The following YEATS4 variants were observed in gnomAD, a reference collection of about 807,000 sequenced individuals.
YEATS4 encodes the protein YEATS domain-containing protein 4.
A neutral mutation model predicts 30.1 loss-of-function variants in YEATS4; 17 were observed. That is an observed-to-expected ratio of 0.56 (90% CI 0.39 to 0.85). The LOEUF (loss-of-function observed/expected upper bound fraction) is 0.85. YEATS4 is among the 40% of genes least tolerant of loss of function. The probability of loss-of-function intolerance (pLI) is 0.00; values close to 1 mark genes in which losing one functional copy is unlikely to be tolerated. For synonymous variants in YEATS4, 85 were observed against 87.5 expected (o/e 0.97, Z 0.16); for missense variants, 142 against 268.3 (o/e 0.53, Z 3.29).
intron 2 of YEATS4, among the ~76,000 whole-genome samples, chr12:69,364,520 T>G (rs1875354386): frequency 6.6e-6 from 1 of 152,198 alleles, no homozygotes; most frequent in South Asian, 2.1e-4. Flanking sequence ...CCATAACTAA[T>G]GAATATGCTT....
chr12:69,393,093 T>C (rs544055488), downstream of YEATS4, among the ~76,000 whole-genome samples: 10 of 152,302 alleles, frequency 6.6e-5, no homozygotes, highest in South Asian at 6.2e-4. Flanking sequence ...ACCCCTAATG[T>C]CTTCAGTTTT....
intron 5 of YEATS4, 34 bp downstream of exon 5, chr12:69,370,832 A>G: frequency 6.3e-7 from 1 of 1,597,334 alleles, no homozygotes; most frequent in Non-Finnish European, 8.5e-7. Context: ...TTTTAAAAGC[A>G]TTTGAAGTTG....
the YEATS4 span, among the ~76,000 whole-genome samples, chr12:69,426,838 C>T: frequency 6.6e-6 from 1 of 152,128 alleles, no homozygotes. Context: ...TCAAGGGTAG[C>T]AGATTAACTC....
intron 4 of YEATS4, among the ~76,000 whole-genome samples, chr12:69,369,049 A>G (rs1483818608): frequency 1.3e-5 from 2 of 152,196 alleles, no homozygotes; most frequent in Non-Finnish European, 2.9e-5. Flanking sequence ...GCAACATAGT[A>G]AAACCCCATC....
At chr12:69,391,850 A>G (rs1868318607), downstream of YEATS4, among the ~76,000 whole-genome samples, 1 of 152,194 alleles carries the variant, frequency 6.6e-6, no homozygotes, top group Non-Finnish European at 1.5e-5. Flanking sequence ...TCATTATTCT[A>G]GTCAGCTGCC....
chr12:69,369,016 T>C (rs1257682778), intron 4 of YEATS4, among the ~76,000 whole-genome samples: 1 of 152,192 alleles, frequency 6.6e-6, no homozygotes, highest in Non-Finnish European at 1.5e-5. Context: ...TCATTTGAGA[T>C]CAGGAATTCA....
chr12:69,389,419 C>T (rs1251973105), intron 6 of YEATS4, among the ~76,000 whole-genome samples: 1 of 147,976 alleles, frequency 6.8e-6, no homozygotes, highest in East Asian at 2.0e-4. Context: ...CACTGCTCTC[C>T]AGCCTGGGCG....
intron 1 of YEATS4, among the ~76,000 whole-genome samples, chr12:69,361,095 G>A (rs1875183318): frequency 6.6e-6 from 1 of 151,906 alleles, no homozygotes; most frequent in Admixed American, 6.6e-5. Context: ...CTACTAGAGG[G>A]GCTGAGGCAG....
chr12:69,364,499 C>T (rs946169971), intron 2 of YEATS4, among the ~76,000 whole-genome samples: 2 of 151,920 alleles, frequency 1.3e-5, no homozygotes, highest in African/African-American at 4.8e-5. Flanking sequence ...CAACAGAAAC[C>T]CTTTTATTTG....
chr12:69,406,840 G>A, the YEATS4 span, among the ~76,000 whole-genome samples: 3 of 151,396 alleles, frequency 2.0e-5, no homozygotes, highest in Non-Finnish European at 4.4e-5. Context: ...TTTGAGACAG[G>A]GTCTTGCTCT....
intron 2 of YEATS4, chr12:69,364,040 G>T: frequency 4.2e-6 from 1 of 240,180 alleles, no homozygotes; most frequent in Admixed American, 5.0e-5. Flanking sequence ...ATAGATAAGT[G>T]GTTGCTAGTG....
intron 6 of YEATS4, among the ~76,000 whole-genome samples, chr12:69,375,179 T>A (rs1296096296): frequency 7.3e-6 from 1 of 137,020 alleles, no homozygotes; most frequent in Non-Finnish European, 1.5e-5. Context: ...GCTCCTCACT[T>A]CTCAGACGGG....
chr12:69,368,656 G>C (rs1302036480), intron 4 of YEATS4, among the ~76,000 whole-genome samples: 1 of 152,168 alleles, frequency 6.6e-6, no homozygotes, highest in Non-Finnish European at 1.5e-5. Flanking sequence ...AGATCTGAAG[G>C]CTAGAAGTCT....
intron 2 of YEATS4, among the ~76,000 whole-genome samples, chr12:69,363,616 G>A (rs1357141906): frequency 6.6e-6 from 1 of 152,186 alleles, no homozygotes; most frequent in Non-Finnish European, 1.5e-5. Flanking sequence ...CTGATTGCTA[G>A]TAATTTTGTT....
the YEATS4 span, among the ~76,000 whole-genome samples, chr12:69,409,673 C>T: frequency 6.6e-6 from 1 of 151,644 alleles, no homozygotes; most frequent in Non-Finnish European, 1.5e-5. Context: ...GTATAATTTA[C>T]ATACTGTTAT....
the YEATS4 span, among the ~76,000 whole-genome samples, chr12:69,417,928 A>G: frequency 4.6e-5 from 7 of 152,006 alleles, no homozygotes; most frequent in Non-Finnish European, 7.4e-5. Flanking sequence ...GCTGATGGGG[A>G]AATCTTTTCT....
intron 6 of YEATS4, among the ~76,000 whole-genome samples, chr12:69,372,574 G>T: frequency 7.6e-6 from 1 of 130,954 alleles, no homozygotes. Flanking sequence ...TTGCTCTGTT[G>T]GCCTGGCTGG....
intron 6 of YEATS4, among the ~76,000 whole-genome samples, chr12:69,371,867 A>G (rs971637626): frequency 2.0e-5 from 3 of 152,226 alleles, no homozygotes; most frequent in African/African-American, 7.2e-5. Context: ...CTGATATCAA[A>G]ATGTCAGTCA....
chr12:69,377,073 C>T (rs1875901474), intron 6 of YEATS4, among the ~76,000 whole-genome samples: 1 of 152,066 alleles, frequency 6.6e-6, no homozygotes, highest in South Asian at 2.1e-4. Flanking sequence ...TTTGAGTTTT[C>T]TCTTTTTTCT....
Sources: gnomAD v4.1 joint callset for allele counts (sites outside exome capture counted in the v4.1 genomes callset) on GRCh38, gnomAD v4.1.1 for gene constraint, MANE v1.5 for transcripts, NCBI Gene and HGNC (gene_info 2026-07-23, HGNC 2026-07-21) for gene names.